The following SLC25A21 variants were observed in gnomAD, a reference collection of about 807,000 sequenced individuals.
The protein encoded by SLC25A21 is mitochondrial 2-oxodicarboxylate carrier.
Under a neutral mutation model 43.8 loss-of-function variants are expected in SLC25A21, and 47 were observed. The ratio of observed to expected loss-of-function variants is 1.07; its 90% CI spans 0.85 to 1.37. SLC25A21 has a LOEUF of 1.37. Ranked by LOEUF, SLC25A21 falls within the 40% of genes most tolerant of loss-of-function variation. SLC25A21 has a pLI of 0.00. For synonymous variants in SLC25A21, 131 were observed against 121.3 expected (o/e 1.08, Z -0.52); for missense variants, 352 against 350.2 (o/e 1.00, Z -0.04).
intron 1 of SLC25A21, among the ~76,000 whole-genome samples, chr14:37,160,600 G>A (rs936281484): frequency 5.3e-5 from 8 of 152,028 alleles, no homozygotes; most frequent in Admixed American, 2.0e-4. Context: ...ATAAAGAGAA[G>A]TAGGTTAAAG....
chr14:36,909,507 C>T (rs1891626675), intron 1 of SLC25A21, among the ~76,000 whole-genome samples: 1 of 152,188 alleles, frequency 6.6e-6, no homozygotes, highest in African/African-American at 2.4e-5. Flanking sequence ...CAGAACCTCA[C>T]AGTTCTTTCT....
At chr14:36,885,876 T>C (rs1890898036) in intron 1 of SLC25A21, among the ~76,000 whole-genome samples, 2 of 152,190 alleles carry the variant, frequency 1.3e-5, no homozygotes, top group South Asian at 4.1e-4. Context: ...AATCTTTGCA[T>C]TGTACTACTG....
chr14:36,859,370 A>G (rs1391800544), intron 2 of SLC25A21, among the ~76,000 whole-genome samples: 1 of 152,220 alleles, frequency 6.6e-6, no homozygotes, highest in Non-Finnish European at 1.5e-5. Context: ...AAGTAAAAAT[A>G]AGATATTGTG....
chr14:37,136,982 T>C (rs1963491600), intron 1 of SLC25A21, among the ~76,000 whole-genome samples: 2 of 152,176 alleles, frequency 1.3e-5, no homozygotes. Flanking sequence ...GTCTGAAATC[T>C]GTATGGCACT....
At chr14:37,162,277 G>A (rs996656778) in intron 1 of SLC25A21, among the ~76,000 whole-genome samples, 21 of 152,174 alleles carry the variant, frequency 1.4e-4, no homozygotes, top group Admixed American at 1.0e-3. Context: ...AATTAGATCC[G>A]ATTTGTCAAT....
chr14:37,155,163 G>A (rs8004700), intron 1 of SLC25A21, among the ~76,000 whole-genome samples: 58,392 of 151,316 alleles, frequency 0.39, 12,241 homozygotes, highest in African/African-American at 0.56. Flanking sequence ...CTCTGCTTCC[G>A]AGATTCCAGC....
chr14:36,783,118 C>T (rs889477811), intron 3 of SLC25A21, among the ~76,000 whole-genome samples: 18 of 145,864 alleles, frequency 1.2e-4, no homozygotes, highest in Non-Finnish European at 2.1e-4. Context: ...ATGGTCAAGA[C>T]GATGTGCCTT....
intron 1 of SLC25A21, among the ~76,000 whole-genome samples, chr14:36,953,740 T>C (rs1959251566): frequency 6.6e-6 from 1 of 152,114 alleles, no homozygotes; most frequent in Non-Finnish European, 1.5e-5. Flanking sequence ...AAAGACAGAG[T>C]ATAAATCTGT....
At chr14:36,763,078 G>A (rs1254436105) in intron 3 of SLC25A21, among the ~76,000 whole-genome samples, 1 of 152,154 alleles carries the variant, frequency 6.6e-6, no homozygotes, top group African/African-American at 2.4e-5. Context: ...AAAGCAAAGA[G>A]ATTAGGTCTT....
At chr14:36,808,355 T>C (rs541384945) in intron 3 of SLC25A21, among the ~76,000 whole-genome samples, 1 of 152,116 alleles carries the variant, frequency 6.6e-6, no homozygotes, top group Non-Finnish European at 1.5e-5. Context: ...TTAGATTGAG[T>C]CTTGAGTTGC....
At chr14:36,951,119 T>C (rs1004592332) in intron 1 of SLC25A21, among the ~76,000 whole-genome samples, 2 of 152,088 alleles carry the variant, frequency 1.3e-5, no homozygotes, top group African/African-American at 4.8e-5. Flanking sequence ...TCTCTATCTG[T>C]TTCAGAGACA....
intron 1 of SLC25A21, among the ~76,000 whole-genome samples, chr14:36,966,671 G>A (rs1253873690): frequency 6.6e-6 from 1 of 152,188 alleles, no homozygotes; most frequent in Non-Finnish European, 1.5e-5. Flanking sequence ...ACTGTTATCT[G>A]CCCTGTGCAA....
chr14:36,699,028 C>T, intron 7 of SLC25A21, among the ~76,000 whole-genome samples: 1 of 151,818 alleles, frequency 6.6e-6, no homozygotes, highest in Admixed American at 6.6e-5. Context: ...TTCTGCTTTT[C>T]TGATCTGGTT....
At chr14:36,768,077 G>A (rs368480685) in intron 3 of SLC25A21, among the ~76,000 whole-genome samples, 4 of 152,086 alleles carry the variant, frequency 2.6e-5, no homozygotes, top group African/African-American at 7.2e-5. Context: ...AAAAATCTTC[G>A]GCATTCCAAT....
intron 1 of SLC25A21, among the ~76,000 whole-genome samples, chr14:36,956,367 C>A (rs1044038623): frequency 6.6e-6 from 1 of 152,140 alleles, no homozygotes; most frequent in Non-Finnish European, 1.5e-5. Context: ...TTAAGGAAAT[C>A]TAATAAAACC....
intron 1 of SLC25A21, among the ~76,000 whole-genome samples, chr14:36,883,535 G>A (rs1177608): frequency 0.8 from 122,260 of 152,094 alleles, 49,808 homozygotes; most frequent in Non-Finnish European, 0.87. Context: ...ATTGTTTCCT[G>A]TCTGTCTCTT....
intron 1 of SLC25A21, among the ~76,000 whole-genome samples, chr14:37,057,371 G>C (rs1961853390): frequency 6.6e-6 from 1 of 152,128 alleles, no homozygotes; most frequent in South Asian, 2.1e-4. Flanking sequence ...TAAATTTTAT[G>C]ATGAATTTAA....
intron 9 of SLC25A21, among the ~76,000 whole-genome samples, chr14:36,683,527 C>CT (rs1882387360): frequency 6.6e-6 from 1 of 152,232 alleles, no homozygotes. Flanking sequence ...CCAGAAGCCA[C>CT]TGCACACACC....
intron 1 of SLC25A21, among the ~76,000 whole-genome samples, chr14:37,108,262 G>A (rs551388873): frequency 1.3e-4 from 20 of 152,250 alleles, no homozygotes; most frequent in Non-Finnish European, 2.2e-4. Context: ...ACAAAGGTAC[G>A]TGCTTTACAT....
Sources: allele counts gnomAD v4.1 joint callset (sites outside exome capture counted in the v4.1 genomes callset), GRCh38; gene constraint gnomAD v4.1.1; transcripts MANE v1.5; gene names NCBI Gene and HGNC (gene_info 2026-07-23, HGNC 2026-07-21).